Variants in TBX1 observed in about 807,000 individuals in gnomAD.
The protein encoded by TBX1 is T-box transcription factor TBX1.
In TBX1, 16 loss-of-function variants were observed where a neutral mutation model predicts 40.8. That is an observed-to-expected ratio of 0.39 (90% CI 0.27 to 0.60). TBX1 has a LOEUF of 0.60. Ranked by LOEUF, TBX1 falls within the 20% of genes least tolerant of loss-of-function variation. The pLI is 0.51. For missense variants in TBX1, 755 were observed against 728.5 expected (o/e 1.04, Z -0.42); for synonymous variants, 403 against 336.8 (o/e 1.20, Z -2.15).
At chr22:19,765,235 C>T in intron 4 of TBX1, 122 bp downstream of exon 4, 2 of 1,452,844 alleles carry the variant, frequency 1.4e-6, no homozygotes, top group Admixed American at 1.8e-5. Context: ...CCCAGTGGAG[C>T]CCAACCCAAC....
rs2145840646 is a variant in TBX1 at position 19,767,230 on chromosome 22, G to A, written c.*363G>A. On this transcript the variant is annotated 3_prime_UTR_variant, in exon 7 of 7. Coordinates refer to ENST00000649276, the MANE Select transcript of TBX1 (RefSeq NM_001379200.1). ...CCGGCCGGCAGTTGCAGTGTAGACA[G>A]CCCGAGAGCCCCGCCTGCAGGCGGT... 9.4e-7 allele frequency: 1 copy of A among 1,068,418 alleles called. No homozygotes were observed. Among genetic ancestry groups the A allele is most frequent in the East Asian group, 7.7e-5 (1 of 13,026 alleles). The allele number at this position is 1,068,418 out of a possible 1,614,324, so 66.2% of individuals were successfully genotyped here. A position where few individuals can be genotyped will look rare whatever the true frequency, so the allele number is the denominator to read the frequency against.
intron 1 of TBX1, 117 bp from the exon 2 acceptor site, chr22:19,763,122 GAC>G: frequency 3.8e-6 from 3 of 789,904 alleles, no homozygotes; most frequent in Non-Finnish European, 6.6e-6. Flanking sequence ...GGGCTGGGAC[GAC>G]ACAGCAGCCC....
chr22:19,781,889 G>C (rs910863718), downstream of TBX1, among the ~76,000 whole-genome samples: 1 of 152,234 alleles, frequency 6.6e-6, no homozygotes, highest in Admixed American at 6.5e-5. Flanking sequence ...TTGGGAGGCA[G>C]AGGTAGGAGA....
At chr22:19,757,003 TGGAGGCGGC>T (rs970292506), upstream of TBX1, among the ~76,000 whole-genome samples, 2 of 152,010 alleles carry the variant, frequency 1.3e-5, no homozygotes, top group African/African-American at 4.8e-5. Context: ...ATGGAGGCGG[TGGAGGCGGC>T]GGCTCCGGCT....
At chr22:19,769,757 T>C (rs1388621580), downstream of TBX1, among the ~76,000 whole-genome samples, 1 of 152,222 alleles carries the variant, frequency 6.6e-6, no homozygotes, top group Non-Finnish European at 1.5e-5. Context: ...GATGGAGCCT[T>C]TAGGCGGTGA....
chr22:19,778,895 G>T (rs888067507), intron 8 of TBX1, among the ~76,000 whole-genome samples: 1 of 152,126 alleles, frequency 6.6e-6, no homozygotes, highest in Non-Finnish European at 1.5e-5. Context: ...CTCCAGCCTA[G>T]GCAACAATAA....
rs1170710367 is a variant in TBX1 at position 19,766,013 on chromosome 22, G to A, written c.1036+11G>A. ...GCGGCACGGAGAAAGGTAGGGCCGG[G>A]GTCGTGGGATCCGGGTTCCGGCCCT... On this transcript the variant is annotated intron_variant, in intron 6 of 6. Coordinates refer to ENST00000649276, the MANE Select transcript of TBX1 (RefSeq NM_001379200.1). 1.2e-5 allele frequency: 18 copies of A among 1,493,446 alleles called. No individual in the cohort carries two copies. The East Asian group carries it at 4.8e-4, about 40-fold the overall frequency. The allele number at this position is 1,493,446 out of a possible 1,614,324, so 92.5% of individuals were successfully genotyped here. A position where few individuals can be genotyped will look rare whatever the true frequency, so the allele number is the denominator to read the frequency against.
Position 19,766,661 on chromosome 22 carries a change from G to C in TBX1, c.1309G>C (p.Gly437Arg), listed in dbSNP as rs1458962515. The C allele has an allele frequency of 2.6e-6, 4 of 1,551,944 alleles. No individual in the cohort carries two copies. The highest frequency in any genetic ancestry group is 3.7e-4 in the Middle Eastern group (2 of 5,410). ...GGCCGCCGCCTACGACCACTATCTC[G>C]GGGCCAAGAGCCGGCCGGCGCCCTA... Reference protein sequence around the residue: ...YPAAAYDHYLGAKSRPAPYPL... With the variant: ...YPAAAYDHYLRAKSRPAPYPL... The change falls in exon 7 of 7, where the codon GGG (glycine) becomes CGG (arginine). Residue 437 changes from glycine to arginine, a missense_variant. By Grantham distance (125) the Gly-to-Arg change is moderately radical. Around this residue, in one of 3 missense-constraint regions of TBX1, gnomAD observed 412 missense variants for 317.6 expected, o/e 1.30. Transcript: ENST00000649276.
upstream of TBX1, among the ~76,000 whole-genome samples, chr22:19,758,585 C>G (rs906501631): frequency 1.3e-5 from 2 of 152,118 alleles, no homozygotes; most frequent in Non-Finnish European, 2.9e-5. Flanking sequence ...TGCTGGGTGC[C>G]GGGGGGCAGC....
intron 3 of TBX1, 134 bp downstream of exon 3, chr22:19,764,460 G>C: frequency 8.5e-7 from 1 of 1,179,978 alleles, no homozygotes; most frequent in East Asian, 2.4e-5. Flanking sequence ...TCCCCGAGGA[G>C]GCCCTTTAGA....
intron 8 of TBX1, among the ~76,000 whole-genome samples, chr22:19,775,439 A>G (rs1316141257): frequency 6.6e-6 from 1 of 152,234 alleles, no homozygotes; most frequent in Non-Finnish European, 1.5e-5. Context: ...TAAAAATCCT[A>G]GATCATCCAC....
intron 8 of TBX1, among the ~76,000 whole-genome samples, chr22:19,777,365 C>T (rs1937082197): frequency 6.6e-6 from 1 of 152,204 alleles, no homozygotes; most frequent in Non-Finnish European, 1.5e-5. Flanking sequence ...CCAGTTTCAT[C>T]CATGTCCCTA....
downstream of TBX1, chr22:19,783,503 T>A: frequency 4.2e-6 from 1 of 240,032 alleles, no homozygotes; most frequent in Non-Finnish European, 8.3e-6. Flanking sequence ...TAAGCTATGA[T>A]CATGCCACTG....
intron 8 of TBX1, among the ~76,000 whole-genome samples, chr22:19,777,763 T>C (rs1463666362): frequency 2.0e-5 from 3 of 150,798 alleles, no homozygotes; most frequent in Non-Finnish European, 4.4e-5. Flanking sequence ...TCTTAATTTT[T>C]TTTTTTTTTT....
intron 8 of TBX1, among the ~76,000 whole-genome samples, chr22:19,773,874 C>T (rs577489229): frequency 4.6e-4 from 70 of 152,338 alleles, no homozygotes; most frequent in African/African-American, 1.5e-3. Context: ...GGCCCTCAGC[C>T]GCCGAGTTTC....
chr22:19,766,643 G>A lies in TBX1; in HGVS notation c.1291G>A (p.Ala431Thr). The change falls in exon 7 of 7, where the codon GCC becomes ACC. Residue 431 changes from alanine to threonine, a missense_variant. Ala to Thr is a moderately conservative substitution (Grantham distance 58). Around this residue, in one of 3 missense-constraint regions of TBX1, gnomAD observed 412 missense variants for 317.6 expected, o/e 1.30. Transcript: ENST00000649276. The stretch of plus-strand genomic sequence containing the variant: ...CCACCCCTACAAATATCCGGCCGCC[G>A]CCTACGACCACTATCTCGGGGCCAA... ...HHHPYKYPAA[A>T]YDHYLGAKSR... The A allele has an allele frequency of 6.4e-7, 1 of 1,552,548 alleles. No homozygotes were observed. Among genetic ancestry groups the A allele is most frequent in the Non-Finnish European group, 8.6e-7 (1 of 1,157,752 alleles).
rs1182171473 is a variant in TBX1 at position 19,767,242 on chromosome 22, C to T, written c.*375C>T. Reference sequence around the variant, plus strand: ...TGCAGTGTAGACAGCCCGAGAGCCCCGCCTGCAGGCGGTGTAGATACATGT... The same window carrying T: ...TGCAGTGTAGACAGCCCGAGAGCCCTGCCTGCAGGCGGTGTAGATACATGT... On this transcript the variant is annotated 3_prime_UTR_variant, in exon 7 of 7. Transcript: ENST00000649276. The T allele has an allele frequency of 2.8e-6, 3 of 1,056,486 alleles. No individual in the cohort carries two copies. The highest frequency in any genetic ancestry group is 5.6e-5 in the Admixed American group (1 of 18,014). The allele number at this position is 1,056,486 out of a possible 1,614,324, so 65.4% of individuals were successfully genotyped here. A position where few individuals can be genotyped will look rare whatever the true frequency, so the allele number is the denominator to read the frequency against.
rs41300476 is a variant in TBX1, at chr22:19,773,042, C to T, written c.1010-6178C>T. 7.2e-4 allele frequency among the ~76,000 whole-genome samples: 110 copies of T among 152,326 alleles called. 2 individuals carry two copies. The East Asian group carries it at 0.016, about 22-fold the overall frequency. On this transcript the variant is annotated intron_variant, in intron 8 of 8. Transcript: ENST00000329705. ...TGGGCTACACAGGAAGCCCGGGCAC[C>T]GCAGAGTGGCCGCTAGCTGGTGGCA...
chr22:19,783,262 G>A, downstream of TBX1: 1 of 523,600 alleles, frequency 1.9e-6, no homozygotes. Context: ...AGAGATAATG[G>A]CACCAGGATG....
Sources: allele counts gnomAD v4.1 joint callset (sites outside exome capture counted in the v4.1 genomes callset), GRCh38; gene constraint gnomAD v4.1.1; regional missense constraint gnomAD v4.1.1; transcripts MANE v1.5; gene names NCBI Gene and HGNC (gene_info 2026-07-23, HGNC 2026-07-21).